PTPRE: variants seen among roughly 807,000 people sequenced by gnomAD.
The protein encoded by PTPRE is protein tyrosine phosphatase receptor type E, also known as receptor-type tyrosine-protein phosphatase epsilon.
Under a neutral mutation model 102.0 loss-of-function variants are expected in PTPRE, and 51 were observed. The ratio of observed to expected loss-of-function variants is 0.50; its 90% CI spans 0.40 to 0.63. The LOEUF (loss-of-function observed/expected upper bound fraction) is 0.63. Ranked by LOEUF, PTPRE falls within the 30% of genes least tolerant of loss-of-function variation. The probability of loss-of-function intolerance (pLI) is 0.00; values close to 1 mark genes in which losing one functional copy is unlikely to be tolerated. For missense variants in PTPRE, 752 were observed against 915.1 expected, an observed-to-expected ratio of 0.82 and a Z score of 2.30; for synonymous variants, 345 against 348.2, an observed-to-expected ratio of 0.99 and a Z score of 0.10.
At chr10:127,949,554 T>G (rs1354940905) in intron 1 of PTPRE, among the ~76,000 whole-genome samples, 1 of 152,106 alleles carries the variant, frequency 6.6e-6, no homozygotes, top group Non-Finnish European at 1.5e-5. Flanking sequence ...GGCAAATAAT[T>G]TAGAGACTTT....
At chr10:127,971,632 C>T (rs905366970) in intron 1 of PTPRE, among the ~76,000 whole-genome samples, 4 of 152,348 alleles carry the variant, frequency 2.6e-5, no homozygotes, top group East Asian at 1.9e-4. Context: ...CGGCCTGCAG[C>T]GAGTGCTTGC....
chr10:127,971,677 C>T (rs1337719215), intron 1 of PTPRE, among the ~76,000 whole-genome samples: 3 of 152,208 alleles, frequency 2.0e-5, no homozygotes, highest in East Asian at 1.9e-4. Context: ...AAGCCTCCAG[C>T]GTGCGCGATT....
chr10:128,036,095 G>A (rs781257470), intron 2 of PTPRE, among the ~76,000 whole-genome samples: 8 of 151,948 alleles, frequency 5.3e-5, no homozygotes, highest in Non-Finnish European at 1.2e-4. Flanking sequence ...GGAAGTGGAC[G>A]GGGATCAGGA....
intron 19 of PTPRE, among the ~76,000 whole-genome samples, chr10:128,078,820 G>A (rs973115700): frequency 2.0e-5 from 3 of 152,222 alleles, no homozygotes; most frequent in African/African-American, 4.8e-5. Flanking sequence ...ATGCGGGGCC[G>A]ATCATTGCGG....
chr10:127,963,706 ACACACACGTG>A (rs1235704214), intron 1 of PTPRE, among the ~76,000 whole-genome samples: 2 of 152,142 alleles, frequency 1.3e-5, no homozygotes, highest in African/African-American at 4.8e-5. Flanking sequence ...GCGTGCGTGC[ACACACACGTG>A]CACACACGTG....
Position 128,028,912 on chromosome 10 carries a change from G to A in PTPRE, c.-7-11963G>A, listed in dbSNP as rs1224909018. 1.3e-5 allele frequency among the ~76,000 whole-genome samples: 2 copies of A among 152,108 alleles called. No individual in the cohort carries two copies. The highest frequency in any genetic ancestry group is 1.5e-5 in the Non-Finnish European group (1 of 68,014). ...CCCTCTGGCCTCAGCTGTCCTCCTCGAGGAGCGCTATCCTGCTCCGTCTCT... is the reference window on the plus strand; with the variant it reads ...CCCTCTGGCCTCAGCTGTCCTCCTCAAGGAGCGCTATCCTGCTCCGTCTCT... On this transcript the variant is annotated intron_variant, in intron 2 of 20. Transcript: ENST00000254667. This position sits in a 1 kb window ranked among gnomAD's most constrained non-coding sequence, Gnocchi z 4.5.
chr10:128,058,717 G>C (rs980607012), intron 7 of PTPRE, among the ~76,000 whole-genome samples: 1 of 152,064 alleles, frequency 6.6e-6, no homozygotes, highest in Non-Finnish European at 1.5e-5. Flanking sequence ...GAGTCACCTG[G>C]GGGAGAGGAG....
chr10:127,923,091 G>C (rs1289704254), intron 1 of PTPRE, among the ~76,000 whole-genome samples: 1 of 152,262 alleles, frequency 6.6e-6, no homozygotes, highest in Non-Finnish European at 1.5e-5. Flanking sequence ...CCCAGGCAGA[G>C]GCCTGGAGAG....
At chr10:128,029,906 G>A (rs1411852224) in intron 2 of PTPRE, among the ~76,000 whole-genome samples, 1 of 152,236 alleles carries the variant, frequency 6.6e-6, no homozygotes, top group African/African-American at 2.4e-5. Context: ...GGCTGCTTCT[G>A]AAAGAGTTTT....
intron 1 of PTPRE, among the ~76,000 whole-genome samples, chr10:127,966,892 G>A (rs1276682277): frequency 1.3e-5 from 2 of 152,068 alleles, no homozygotes; most frequent in Non-Finnish European, 2.9e-5. Context: ...AAAAGATTTA[G>A]GTGATAAAAT....
At chr10:128,026,368 C>T (rs1212757625) in intron 2 of PTPRE, among the ~76,000 whole-genome samples, 1 of 152,220 alleles carries the variant, frequency 6.6e-6, no homozygotes, top group Non-Finnish European at 1.5e-5. Flanking sequence ...AGTATTTATC[C>T]CTTCCTCCTT....
intron 2 of PTPRE, among the ~76,000 whole-genome samples, chr10:128,039,066 C>A (rs754081124): frequency 5.3e-5 from 8 of 152,184 alleles, no homozygotes; most frequent in Non-Finnish European, 8.8e-5. Flanking sequence ...AATGTTTCAA[C>A]TAGGAATTCT....
chr10:127,983,917 T>C (rs898095888), intron 2 of PTPRE, among the ~76,000 whole-genome samples: 2 of 152,014 alleles, frequency 1.3e-5, no homozygotes, highest in African/African-American at 2.4e-5. Context: ...CGGCAAGAGA[T>C]TCAGAAGTAG....
At chr10:128,045,317 C>G (rs572268292) in intron 3 of PTPRE, among the ~76,000 whole-genome samples, 1 of 152,216 alleles carries the variant, frequency 6.6e-6, no homozygotes, top group Non-Finnish European at 1.5e-5. Flanking sequence ...GGAGGCCAGA[C>G]CCACGGAGGG....
At chr10:127,957,466 A>G (rs1245887061) in intron 1 of PTPRE, among the ~76,000 whole-genome samples, 2 of 152,200 alleles carry the variant, frequency 1.3e-5, no homozygotes, top group South Asian at 4.1e-4. Flanking sequence ...TAATCTGTGA[A>G]CAAGAATATT....
intron 2 of PTPRE, among the ~76,000 whole-genome samples, chr10:128,034,322 A>ACCCCCC (rs1215235204): frequency 2.8e-5 from 4 of 144,534 alleles, no homozygotes; most frequent in African/African-American, 1.1e-4. Context: ...TCCCCTCCAC[A>ACCCCCC]CCACCCCCCC....
chr10:127,986,775 T>A (rs1852124635), intron 2 of PTPRE, among the ~76,000 whole-genome samples: 1 of 152,210 alleles, frequency 6.6e-6, no homozygotes. Flanking sequence ...CCCAAGCTGG[T>A]TTCTGGCTGC....
chr10:127,966,151 AGGAAGT>A (rs1306863554), intron 1 of PTPRE, among the ~76,000 whole-genome samples: 2 of 152,318 alleles, frequency 1.3e-5, no homozygotes, highest in East Asian at 3.9e-4. Context: ...TTCATCCATG[AGGAAGT>A]GGAAGCTCAA....
intron 8 of PTPRE, among the ~76,000 whole-genome samples, chr10:128,061,319 G>A (rs1270073397): frequency 1.3e-5 from 2 of 152,210 alleles, no homozygotes; most frequent in Non-Finnish European, 2.9e-5. Context: ...TGGACTATTA[G>A]AACTTGATTT....
Sources: gnomAD v4.1 joint callset for allele counts (sites outside exome capture counted in the v4.1 genomes callset) on GRCh38, gnomAD v4.1.1 for gene constraint, Gnocchi (gnomAD v3.1) non-coding constraint, MANE v1.5 for transcripts, NCBI Gene and HGNC (gene_info 2026-07-23, HGNC 2026-07-21) for gene names.